BNIP3L: variants seen among roughly 807,000 people sequenced by gnomAD.
BNIP3L encodes BCL2 interacting protein 3 like.
BNIP3L carries 10 observed loss-of-function variants against 25.5 expected under a neutral mutation model. That is an observed-to-expected ratio of 0.39 (90% CI 0.24 to 0.67). The LOEUF (loss-of-function observed/expected upper bound fraction) is 0.67. Ranked by LOEUF, BNIP3L falls within the 30% of genes least tolerant of loss-of-function variation. BNIP3L has a pLI of 0.45. For missense variants in BNIP3L, 215 were observed against 270.9 expected, an observed-to-expected ratio of 0.79 and a Z score of 1.45; for synonymous variants, 113 against 101.2, an observed-to-expected ratio of 1.12 and a Z score of -0.70.
intron 3 of BNIP3L, among the ~76,000 whole-genome samples, chr8:26,396,301 A>C (rs1806242114): frequency 1.2e-5 from 1 of 86,874 alleles, no homozygotes; most frequent in African/African-American, 4.5e-5. Flanking sequence ...TGCCTCCTCA[A>C]GTGGGTCCCT....
chr8:26,396,662 G>A (rs558381420), intron 3 of BNIP3L, among the ~76,000 whole-genome samples: 3 of 151,594 alleles, frequency 2.0e-5, no homozygotes, highest in East Asian at 1.9e-4. Context: ...GGCTTCAGAC[G>A]ATCAAATTAG....
In BNIP3L at chr8:26,383,089, A is replaced by G. The variant is rs1383356116; in HGVS notation, c.-42A>G. The G allele has an allele frequency of 1.2e-5, 19 of 1,524,184 alleles. No homozygotes were observed. The highest frequency in any genetic ancestry group is 2.4e-5 in the East Asian group (1 of 42,022). 94.4% of individuals were successfully genotyped at this position (1,524,184 alleles called of 1,614,324 possible). A position where few individuals can be genotyped will look rare whatever the true frequency, so the allele number is the denominator to read the frequency against. On this transcript the variant is annotated 5_prime_UTR_variant, in exon 1 of 6. Transcript: ENST00000380629. ...TGTTGTGTTGCTGCCTGAGTGCCGGAGACGGTCCTGCTGCTGCCGCAGTCC... is the reference window on the plus strand; with the variant it reads ...TGTTGTGTTGCTGCCTGAGTGCCGGGGACGGTCCTGCTGCTGCCGCAGTCC...
chr8:26,395,309 C>T lies in BNIP3L; in HGVS notation c.357+7C>T, dbSNP rs760779877. The T allele has an allele frequency of 1.1e-5, 17 of 1,611,444 alleles. No individual in the cohort carries two copies. Among genetic ancestry groups the T allele is most frequent in the Admixed American group, 5.0e-5 (3 of 59,704 alleles). On this transcript the variant is annotated splice_region_variant and intron_variant, in intron 3 of 5. Coordinates refer to ENST00000380629, the MANE Select transcript of BNIP3L (RefSeq NM_004331.3). ...CAGGGACCATAGCTCTCAGGTGTGT[C>T]GGGGGGATTCTGATTTACAGTAAAC...
chr8:26,383,268 G>A (rs1187344569), intron 1 of BNIP3L, 38 bp downstream of exon 1: 4 of 1,583,572 alleles, frequency 2.5e-6, no homozygotes, highest in South Asian at 1.1e-5. Flanking sequence ...GGGGATGGGG[G>A]AGGAGGAGCA....
intron 1 of BNIP3L, chr8:26,383,452 T>A (rs989790605): frequency 7.7e-7 from 1 of 1,297,516 alleles, no homozygotes; most frequent in Non-Finnish European, 9.8e-7. Context: ...CGGGGCCGTT[T>A]GGGCTCGCGG....
rs36118116 is a variant in BNIP3L at position 26,408,873 on chromosome 8, GAA to G, written c.611+514_611+515del. 1.7e-4 allele frequency among the ~76,000 whole-genome samples: 13 copies of G among 76,136 alleles called. 1 individual carries two copies. Among genetic ancestry groups the G allele is most frequent in the African/African-American group, 6.4e-4 (13 of 20,350 alleles). 49.9% of individuals were successfully genotyped at this position (76,136 alleles called of 152,430 possible). Reference sequence around the variant, plus strand: ...GGGGATAGAGTGAGACTCCATCTCGGAAAAAAAAAAAAAAAAAAGAAGATGTT... The same window carrying G: ...GGGGATAGAGTGAGACTCCATCTCGGAAAAAAAAAAAAAAAAGAAGATGTT... On this transcript the variant is annotated intron_variant, in intron 5 of 5. Coordinates refer to ENST00000380629, the MANE Select transcript of BNIP3L (RefSeq NM_004331.3).
At chr8:26,383,507 T>C (rs1317891258) in intron 1 of BNIP3L, 3 of 895,608 alleles carry the variant, frequency 3.3e-6, no homozygotes, top group African/African-American at 2.5e-5. Flanking sequence ...GTGCGGGGGG[T>C]GGTCCCCAGC....
At chr8:26,402,120 C>G (rs150761763) in intron 3 of BNIP3L, among the ~76,000 whole-genome samples, 12 of 152,332 alleles carry the variant, frequency 7.9e-5, no homozygotes, top group African/African-American at 2.6e-4. Context: ...AGTATTCTTT[C>G]TGTTTCCAAA....
rs903886885 is a variant in BNIP3L, at chr8:26,411,515, C to T, written c.*1103C>T. On this transcript the variant is annotated 3_prime_UTR_variant, in exon 6 of 6. Transcript: ENST00000380629. ...CGTTCTGAAAAGATGCCATTTGTTT[C>T]CTTCTGATCTCTCACTGAATAATGT... 3 of 152,200 alleles carry T rather than the reference C, an allele frequency of 2.0e-5. No homozygotes were observed. The highest frequency in any genetic ancestry group is 6.5e-5 in the Admixed American group (1 of 15,274). 9.4% of individuals were successfully genotyped at this position (152,200 alleles called of 1,614,324 possible).
chr8:26,395,541 A>G, intron 3 of BNIP3L: 1 of 482,302 alleles, frequency 2.1e-6, no homozygotes, highest in East Asian at 3.6e-5. Context: ...AAATCATGCC[A>G]ATACTCCAGG....
At chr8:26,407,827 A>G (rs1806534099) in intron 3 of BNIP3L, among the ~76,000 whole-genome samples, 173 bp from the exon 4 acceptor site, 1 of 152,218 alleles carries the variant, frequency 6.6e-6, no homozygotes, top group African/African-American at 2.4e-5. Flanking sequence ...AAGATATTAC[A>G]TACTCTGATC....
rs762423471 is a variant in BNIP3L at position 26,408,045 on chromosome 8, A to G, written c.403A>G (p.Lys135Glu). The change falls in exon 4 of 6, where the codon AAG becomes GAG. Residue 135 changes from lysine (K) to glutamate (E), a missense_variant. By Grantham distance (56) the Lys-to-Glu change is moderately conservative. Coordinates refer to ENST00000380629, the MANE Select transcript of BNIP3L (RefSeq NM_004331.3). ...VEGEKEVEALKKSADWVSDWS... is the reference protein window; with the variant it reads ...VEGEKEVEALEKSADWVSDWS... ...AGGAGAGAAGGAAGTCGAGGCTTTG[A>G]AGAAAAGTGCGGACTGGGTATCAGA... The G allele has an allele frequency of 1.2e-6, 2 of 1,614,228 alleles. No homozygotes were observed. Among genetic ancestry groups the G allele is most frequent in the Non-Finnish European group, 8.5e-7 (1 of 1,180,040 alleles).
At chr8:26,408,153 C>T (rs774517642) in intron 4 of BNIP3L, 50 bp downstream of exon 4, 1 of 1,611,408 alleles carries the variant, frequency 6.2e-7, no homozygotes, top group South Asian at 1.1e-5. Context: ...TCTGCGCACG[C>T]TTACAGGCAA....
At chr8:26,410,010 A>G (rs969601521) in intron 5 of BNIP3L, among the ~76,000 whole-genome samples, 3 of 152,100 alleles carry the variant, frequency 2.0e-5, no homozygotes, top group African/African-American at 7.2e-5. Flanking sequence ...TGTGTCTGAA[A>G]TGTCAGTAGA....
At chr8:26,399,135 T>C (rs1469525022) in intron 3 of BNIP3L, among the ~76,000 whole-genome samples, 1 of 132,834 alleles carries the variant, frequency 7.5e-6, no homozygotes, top group Non-Finnish European at 1.6e-5. Context: ...TTTAGACCAA[T>C]ATCCTTGATG....
At position 26,395,304 on chromosome 8, in the gene BNIP3L, T is replaced by C. The variant is rs1176674657; in HGVS notation, c.357+2T>C. 6.2e-7 allele frequency: 1 copy of C among 1,613,384 alleles called. No homozygotes were observed. ...ACCAGCAGGGACCATAGCTCTCAGG[T>C]GTGTCGGGGGGATTCTGATTTACAG... On this transcript the variant is annotated splice_donor_variant, in intron 3 of 5. Transcript: ENST00000380629. LOFTEE classifies it high-confidence loss of function.
intron 5 of BNIP3L, among the ~76,000 whole-genome samples, chr8:26,410,078 G>T (rs1170642497): frequency 6.6e-6 from 1 of 152,140 alleles, no homozygotes; most frequent in Non-Finnish European, 1.5e-5. Flanking sequence ...TATTTACTCT[G>T]TGGAGGGATC....
At chr8:26,386,609 A>G (rs1195965948) in intron 1 of BNIP3L, among the ~76,000 whole-genome samples, 1 of 151,788 alleles carries the variant, frequency 6.6e-6, no homozygotes, top group African/African-American at 2.4e-5. Flanking sequence ...TAATTATTTT[A>G]TTTCTTGTAG....
intron 5 of BNIP3L, 117 bp from the exon 6 acceptor site, chr8:26,410,247 A>G (rs1806592041): frequency 1.7e-6 from 2 of 1,193,050 alleles, no homozygotes; most frequent in Non-Finnish European, 1.2e-6. Flanking sequence ...AGCGGTACCC[A>G]CAAACCTTTA....
Sources: allele counts gnomAD v4.1 joint callset (sites outside exome capture counted in the v4.1 genomes callset), GRCh38; gene constraint gnomAD v4.1.1; transcripts MANE v1.5; gene names NCBI Gene and HGNC (gene_info 2026-07-23, HGNC 2026-07-21).